The following OSBPL9 variants were observed in gnomAD, a reference collection of about 807,000 sequenced individuals.
OSBPL9 encodes the protein oxysterol binding protein like 9.
A neutral mutation model predicts 106.6 loss-of-function variants in OSBPL9; 40 were observed. That is an observed-to-expected ratio of 0.38 (90% CI 0.29 to 0.49). The LOEUF is 0.49. Ranked by LOEUF, OSBPL9 falls within the 20% of genes least tolerant of loss-of-function variation. OSBPL9 has a pLI of 0.97. For missense variants in OSBPL9, 609 were observed against 887.2 expected (o/e 0.69, Z 3.98); for synonymous variants, 269 against 295.4 (o/e 0.91, Z 0.92).
intron 20 of OSBPL9, chr1:51,784,944 C>T (rs932878816): frequency 4.3e-6 from 1 of 232,006 alleles, no homozygotes; most frequent in Non-Finnish European, 8.4e-6. Context: ...TGCAGCACTG[C>T]CTCCTGGTCC....
chr1:51,635,604 C>T (rs1645381470), intron 1 of OSBPL9, among the ~76,000 whole-genome samples: 1 of 152,138 alleles, frequency 6.6e-6, no homozygotes, highest in Admixed American at 6.5e-5. Context: ...GTTTGCAGAA[C>T]TTGGGCTACT....
intron 1 of OSBPL9, among the ~76,000 whole-genome samples, chr1:51,590,250 A>G (rs1031829475): frequency 6.6e-6 from 1 of 152,160 alleles, no homozygotes; most frequent in Non-Finnish European, 1.5e-5. Flanking sequence ...AGCAGAGGCC[A>G]TTCAAATTAC....
the OSBPL9 span, among the ~76,000 whole-genome samples, chr1:51,525,740 T>C: frequency 1.3e-5 from 2 of 152,232 alleles, no homozygotes; most frequent in Non-Finnish European, 2.9e-5. Flanking sequence ...TTTGCCTAAG[T>C]TCATTCTCCA....
At chr1:51,687,973 A>C (rs1403945627) in intron 3 of OSBPL9, among the ~76,000 whole-genome samples, 1 of 152,182 alleles carries the variant, frequency 6.6e-6, no homozygotes, top group African/African-American at 2.4e-5. Flanking sequence ...GAACCAAGGC[A>C]GTAACGGTGG....
intron 1 of OSBPL9, among the ~76,000 whole-genome samples, chr1:51,618,612 A>G (rs553907325): frequency 4.6e-5 from 7 of 152,328 alleles, no homozygotes; most frequent in African/African-American, 1.7e-4. Flanking sequence ...TTGAGCTGCT[A>G]TGTGCGTTTT....
the OSBPL9 span, among the ~76,000 whole-genome samples, chr1:51,549,980 T>G: frequency 6.6e-5 from 10 of 152,234 alleles, no homozygotes; most frequent in Non-Finnish European, 1.5e-4. Flanking sequence ...TTTTCTTTTA[T>G]AGTGCTTTGT....
chr1:51,580,952 A>G (rs1464889417), intron 1 of OSBPL9, among the ~76,000 whole-genome samples: 1 of 1,514 alleles, frequency 6.6e-4, no homozygotes, highest in African/African-American at 2.1e-3. Context: ...ATATATATAT[A>G]TAACTTTTTT....
intron 14 of OSBPL9, among the ~76,000 whole-genome samples, chr1:51,775,199 T>C (rs1674776898): frequency 6.6e-6 from 1 of 152,208 alleles, no homozygotes; most frequent in African/African-American, 2.4e-5. Flanking sequence ...AGTCTGATAA[T>C]AGAGATTCTA....
Position 51,620,019 on chromosome 1 carries a change from T to G in OSBPL9, c.111+2798T>G, listed in dbSNP as rs929988821. 2.6e-5 allele frequency among the ~76,000 whole-genome samples: 4 copies of G among 152,186 alleles called. No homozygotes were observed. In the South Asian group the frequency reaches 8.3e-4, roughly 32 times the overall value. On this transcript the variant is annotated intron_variant, in intron 1 of 23. Coordinates refer to ENST00000428468, the MANE Select transcript of OSBPL9 (RefSeq NM_024586.6). ...ACCCTGAACTAAACTAGAGTGACCTTGCTTTAGAGTTGGCTTTACTGAGAA... is the reference window on the plus strand; with the variant it reads ...ACCCTGAACTAAACTAGAGTGACCTGGCTTTAGAGTTGGCTTTACTGAGAA...
At chr1:51,687,008 A>G (rs761524152) in intron 3 of OSBPL9, among the ~76,000 whole-genome samples, 30 of 152,242 alleles carry the variant, frequency 2.0e-4, no homozygotes, top group South Asian at 1.2e-3. Context: ...GAGATTAGAG[A>G]AATGCATATA....
chr1:51,759,458 A>G (rs571797203), intron 9 of OSBPL9: 18 of 152,294 alleles, frequency 1.2e-4, no homozygotes, highest in African/African-American at 4.3e-4. Context: ...TTAAGTTTTT[A>G]CAACTGCTTT....
At chr1:51,533,539 G>A in the OSBPL9 span, among the ~76,000 whole-genome samples, 1 of 150,656 alleles carries the variant, frequency 6.6e-6, no homozygotes. Context: ...AAAGAGGGAA[G>A]TAGATGAAAT....
intron 1 of OSBPL9, among the ~76,000 whole-genome samples, chr1:51,593,103 C>T (rs1645284772): frequency 6.6e-6 from 1 of 152,172 alleles, no homozygotes; most frequent in Non-Finnish European, 1.5e-5. Flanking sequence ...AACTCCTGAA[C>T]ATTTTTCCTG....
At chr1:51,529,387 G>A in the OSBPL9 span, among the ~76,000 whole-genome samples, 9 of 151,910 alleles carry the variant, frequency 5.9e-5, no homozygotes, top group South Asian at 4.2e-4. Flanking sequence ...ACAGATGCCC[G>A]CCACCATGCC....
chr1:51,626,872 C>T (rs1185142069), intron 1 of OSBPL9, among the ~76,000 whole-genome samples: 2 of 152,132 alleles, frequency 1.3e-5, no homozygotes, highest in Admixed American at 6.5e-5. Flanking sequence ...GCTGCTTATG[C>T]TTTTGGTGTC....
intron 1 of OSBPL9, among the ~76,000 whole-genome samples, chr1:51,632,188 CTTA>C (rs1370764541): frequency 1.3e-5 from 2 of 151,944 alleles, no homozygotes; most frequent in Non-Finnish European, 2.9e-5. Context: ...AGGTAATGTA[CTTA>C]TTATCAAGTA....
chr1:51,729,828 G>T lies in OSBPL9; in HGVS notation c.319-15708G>T. 1 of 1,244,386 alleles carries T rather than the reference G, an allele frequency of 8.0e-7. No homozygotes were observed. Among genetic ancestry groups the T allele is most frequent in the Non-Finnish European group, 1.0e-6 (1 of 987,540 alleles). 77.1% of individuals were successfully genotyped at this position (1,244,386 alleles called of 1,614,324 possible). Reference sequence around the variant, plus strand: ...GGGGTGGGGGGTGAAGGGGGTGAAGGGGGTGTCCCGGGGGACGGGCTGAAC... The same window carrying T: ...GGGGTGGGGGGTGAAGGGGGTGAAGTGGGTGTCCCGGGGGACGGGCTGAAC... On this transcript the variant is annotated intron_variant, in intron 4 of 23. Coordinates refer to ENST00000428468, the MANE Select transcript of OSBPL9 (RefSeq NM_024586.6). The surrounding 1 kb of genome is among the most constrained non-coding windows in gnomAD (Gnocchi z 5.1).
chr1:51,521,815 C>T, the OSBPL9 span, among the ~76,000 whole-genome samples: 6 of 152,178 alleles, frequency 3.9e-5, no homozygotes, highest in Non-Finnish European at 7.4e-5. Flanking sequence ...TGGAGTGCAA[C>T]GGTGCAATCT....
chr1:51,772,325 A>G (rs1674095620), intron 13 of OSBPL9, 143 bp downstream of exon 13: 2 of 682,140 alleles, frequency 2.9e-6, no homozygotes, highest in African/African-American at 1.8e-5. Flanking sequence ...CAGCCTGACC[A>G]ACATGGTGAA....
Sources: gnomAD v4.1 joint callset for allele counts (sites outside exome capture counted in the v4.1 genomes callset) on GRCh38, gnomAD v4.1.1 for gene constraint, Gnocchi (gnomAD v3.1) non-coding constraint, MANE v1.5 for transcripts, NCBI Gene and HGNC (gene_info 2026-07-23, HGNC 2026-07-21) for gene names.